The following BUB1 variants were observed in gnomAD, a reference collection of about 807,000 sequenced individuals.
BUB1 encodes BUB1 mitotic checkpoint serine/threonine kinase.
A neutral mutation model predicts 135.2 loss-of-function variants in BUB1; 84 were observed. The ratio of observed to expected loss-of-function variants is 0.62; its 90% CI spans 0.52 to 0.74. The LOEUF (loss-of-function observed/expected upper bound fraction) is 0.74. Among genes scored for constraint, BUB1 ranks in the 30% least tolerant of loss-of-function variants. The pLI, the probability that BUB1 is intolerant of heterozygous loss-of-function variation, is 0.00. For missense variants in BUB1, 1,162 were observed against 1,288.3 expected (o/e 0.90, Z 1.50); for synonymous variants, 403 against 434.4 (o/e 0.93, Z 0.90).
intron 5 of BUB1, among the ~76,000 whole-genome samples, chr2:110,670,323 A>C (rs1690387346): frequency 6.6e-6 from 1 of 151,830 alleles, no homozygotes; most frequent in Non-Finnish European, 1.5e-5. Context: ...ATTTTAGTAG[A>C]GATGGGGTTT....
chr2:110,674,613 A>T (rs550570127), intron 1 of BUB1, among the ~76,000 whole-genome samples: 47 of 152,224 alleles, frequency 3.1e-4, no homozygotes, highest in African/African-American at 1.1e-3. Flanking sequence ...GTGTTTTTCC[A>T]TAAGTCCCAG....
In BUB1 at chr2:110,657,631, AT is replaced by A; in HGVS notation, c.1530del (p.Ser511LeufsTer112). The A allele has an allele frequency of 2.5e-6, 4 of 1,579,056 alleles. No individual in the cohort carries two copies. Among genetic ancestry groups the A allele is most frequent in the Non-Finnish European group, 3.4e-6 (4 of 1,162,820 alleles). On this transcript the variant is annotated frameshift_variant, in exon 14 of 25. Transcript: ENST00000302759. LOFTEE classifies it high-confidence loss of function. The stretch of plus-strand genomic sequence containing the variant: ...ATCTTATTGACTCCCCAAGCCCCAG[AT>A]GACCTTACATTTTCTGCAACAGAAT... The part of the protein sequence containing the change: ...FEAQFQKNVR[S>X]SGAWGVNKII...
chr2:110,652,901 T>C (rs1430656213), intron 17 of BUB1, among the ~76,000 whole-genome samples: 1 of 152,264 alleles, frequency 6.6e-6, no homozygotes, highest in African/African-American at 2.4e-5. Flanking sequence ...ACTCAATTTC[T>C]GCTAAGATTA....
intron 4 of BUB1, among the ~76,000 whole-genome samples, chr2:110,671,605 A>G (rs906623898): frequency 2.0e-5 from 3 of 152,214 alleles, no homozygotes; most frequent in African/African-American, 7.2e-5. Flanking sequence ...TCAAGTAGGT[A>G]GTTTGGTTAC....
chr2:110,641,425 TC>T lies in BUB1; in HGVS notation c.2664del (p.Met889CysfsTer11). ...INLYKNTPEK[V>X]MPQGLVISFA... ...AAAGAGATGACAAGACCTTGAGGCATCACTTTTTCAGGGGTATTTTTATAGA... is the reference window on the plus strand; with the variant it reads ...AAAGAGATGACAAGACCTTGAGGCATACTTTTTCAGGGGTATTTTTATAGA... On this transcript the variant is annotated frameshift_variant, in exon 22 of 25. Coordinates refer to ENST00000302759, the MANE Select transcript of BUB1 (RefSeq NM_004336.5). LOFTEE classifies it high-confidence loss of function. 1 of 1,613,732 alleles carries T rather than the reference TC, an allele frequency of 6.2e-7. No homozygotes were observed. Among genetic ancestry groups the T allele is most frequent in the Non-Finnish European group, 8.5e-7 (1 of 1,179,954 alleles).
intron 19 of BUB1, among the ~76,000 whole-genome samples, chr2:110,647,314 C>CCAAT: frequency 6.6e-6 from 1 of 152,096 alleles, no homozygotes; most frequent in African/African-American, 2.4e-5. Flanking sequence ...ATTAGTAAAT[C>CCAAT]CAATCCAACA....
rs1218379345 is a variant in BUB1, at chr2:110,645,635, C to T, written c.2348-3401G>A. Among the ~76,000 whole-genome samples, 3 of 150,830 alleles carry T rather than the reference C, an allele frequency of 2.0e-5. No individual in the cohort carries two copies. In the East Asian group the frequency reaches 5.8e-4, roughly 29 times the overall value. ...TGTAAGACAAGGTCTTGCTATGTTCCCTGGCTAATCTGAACTCCTCTGCAT... is the reference window on the plus strand; with the variant it reads ...TGTAAGACAAGGTCTTGCTATGTTCTCTGGCTAATCTGAACTCCTCTGCAT... On this transcript the variant is annotated intron_variant, in intron 19 of 24. Transcript: ENST00000302759.
rs36109304 is a variant in BUB1, at chr2:110,657,562, T to C, written c.1600A>G (p.Asn534Asp). 1.2e-4 allele frequency: 185 copies of C among 1,604,932 alleles called. 1 individual carries two copies. The East Asian group carries it at 3.8e-3, about 33-fold the overall frequency. Residue 534 changes from asparagine (N) to aspartate (D), a missense_variant, in exon 14 of 25, where the codon AAC becomes GAC. Asn to Asp is a conservative substitution (Grantham distance 23, BLOSUM62 1). Transcript: ENST00000302759. ...TTTTTTTACCCATAATTTTCTTTGT[T>C]TCCATCTTCAAACACATGAAAAGCA... ...SSAFHVFEDG[N>D]KENYGLPQPK...
At chr2:110,664,006 G>C (rs1459783349) in intron 9 of BUB1, among the ~76,000 whole-genome samples, 1 of 141,912 alleles carries the variant, frequency 7.0e-6, no homozygotes, top group Non-Finnish European at 1.5e-5. Context: ...TCCAGCCTGG[G>C]AGACAGTGAG....
rs1358100993 is a variant in BUB1 at position 110,642,100 on chromosome 2, G to T, written c.2463+19C>A. 1.3e-6 allele frequency: 2 copies of T among 1,544,914 alleles called. No homozygotes were observed. Among genetic ancestry groups the T allele is most frequent in the Non-Finnish European group, 8.8e-7 (1 of 1,130,238 alleles). ...AAATTCATTTCTATATCATACAAAA[G>T]ACAACTCAGGTCATTTACCTTTAAA... On this transcript the variant is annotated intron_variant, in intron 20 of 24. Coordinates refer to ENST00000302759, the MANE Select transcript of BUB1 (RefSeq NM_004336.5).
Position 110,650,879 on chromosome 2 carries a change from G to A in BUB1, c.1965-95C>T, listed in dbSNP as rs1207320924. 3 of 1,204,640 alleles carry A rather than the reference G, an allele frequency of 2.5e-6. No homozygotes were observed. In the African/African-American group the frequency reaches 4.6e-5, roughly 18 times the overall value. The allele number at this position is 1,204,640 out of a possible 1,614,324, so 74.6% of individuals were successfully genotyped here. On this transcript the variant is annotated intron_variant, in intron 17 of 24. Transcript: ENST00000302759. ...GAAATTCCCTTCTCATTCTAGAAAT[G>A]ACATTTCACAATAGCCTCACAGACT... is the stretch of plus-strand genomic sequence containing the variant.
chr2:110,670,044 C>A (rs1299376235), intron 5 of BUB1, among the ~76,000 whole-genome samples: 1 of 146,460 alleles, frequency 6.8e-6, no homozygotes, highest in Non-Finnish European at 1.5e-5. Context: ...CTCTTTGGGG[C>A]TATTTAGTGG....
chr2:110,645,260 C>G (rs1224900934), intron 19 of BUB1, among the ~76,000 whole-genome samples: 2 of 151,748 alleles, frequency 1.3e-5, no homozygotes, highest in East Asian at 1.9e-4. Context: ...ATGGTGAAAC[C>G]CTGTCTCCAA....
chr2:110,652,120 T>C (rs1370789751), intron 17 of BUB1, among the ~76,000 whole-genome samples: 2 of 152,002 alleles, frequency 1.3e-5, no homozygotes, highest in African/African-American at 4.8e-5. Context: ...TTAATGGATT[T>C]CATATTTGTG....
chr2:110,659,927 G>T, intron 11 of BUB1, 51 bp downstream of exon 11: 1 of 1,486,438 alleles, frequency 6.7e-7, no homozygotes. Flanking sequence ...ACACCTCTGA[G>T]TGATACAGAG....
intron 3 of BUB1, 59 bp from the exon 4 acceptor site, chr2:110,672,916 T>G (rs1483332861): frequency 6.8e-7 from 1 of 1,467,532 alleles, no homozygotes; most frequent in East Asian, 2.4e-5. Flanking sequence ...CTATGTCTGG[T>G]GAGGAGTTAG....
At position 110,673,614 on chromosome 2, in the gene BUB1, G is replaced by A. The variant is rs566094464; in HGVS notation, c.225+472C>T. 8.6e-5 allele frequency among the ~76,000 whole-genome samples: 13 copies of A among 151,952 alleles called. No individual in the cohort carries two copies. The South Asian group carries it at 2.5e-3, about 29-fold the overall frequency. ...TTTTGGTGGGGGAGCGGGGGGTGGG[G>A]ACAGAGTCTCACTCTGTCACCCAGG... On this transcript the variant is annotated intron_variant, in intron 3 of 24. Coordinates refer to ENST00000302759, the MANE Select transcript of BUB1 (RefSeq NM_004336.5).
intron 19 of BUB1, among the ~76,000 whole-genome samples, chr2:110,647,479 A>T (rs985823173): frequency 6.6e-6 from 1 of 151,866 alleles, no homozygotes. Context: ...ATCAACAAAG[A>T]ATCATATAAT....
rs773770253 is a variant in BUB1 at position 110,655,898 on chromosome 2, C to T, written c.1717G>A (p.Glu573Lys). 1 of 1,613,214 alleles carries T rather than the reference C, an allele frequency of 6.2e-7. No individual in the cohort carries two copies. The highest frequency in any genetic ancestry group is 1.7e-5 in the Admixed American group (1 of 59,978). Residue 573 changes from glutamate to lysine, a missense_variant, in exon 16 of 25, where the codon GAA (glutamate) becomes AAA (lysine). Glu to Lys is a moderately conservative substitution (Grantham distance 56, BLOSUM62 1). Transcript: ENST00000302759. The part of the protein sequence containing the change: ...SKPKEEVPHA[E>K]EFLDDSTVWG... ...ACAGTTGAGTCATCCAAAAACTCTT[C>T]AGCATGAGGCACTTCCTCCTATAAC...
Sources: allele counts gnomAD v4.1 joint callset (sites outside exome capture counted in the v4.1 genomes callset), GRCh38; gene constraint gnomAD v4.1.1; transcripts MANE v1.5; gene names NCBI Gene and HGNC (gene_info 2026-07-23, HGNC 2026-07-21).